GPHN: variants seen among roughly 807,000 people sequenced by gnomAD.
GPHN encodes the protein gephyrin.
GPHN carries 17 observed loss-of-function variants against 95.5 expected under a neutral mutation model. The ratio of observed to expected loss-of-function variants is 0.18; its 90% CI spans 0.12 to 0.27. The LOEUF is 0.27. Among genes scored for constraint, GPHN ranks in the 10% least tolerant of loss-of-function variants. GPHN has a pLI of 1.00. For missense variants in GPHN, 660 were observed against 978.1 expected (o/e 0.67, Z 4.34); for synonymous variants, 320 against 322.5 (o/e 0.99, Z 0.08).
chr14:67,548,569 T>C, the GPHN span, among the ~76,000 whole-genome samples: 5 of 152,090 alleles, frequency 3.3e-5, no homozygotes, highest in Middle Eastern at 3.2e-3. Context: ...TGGTGGTGCA[T>C]GCCTGTAATC....
intron 4 of GPHN, among the ~76,000 whole-genome samples, chr14:66,842,378 A>G (rs553475995): frequency 5.9e-5 from 9 of 152,248 alleles, no homozygotes; most frequent in African/African-American, 2.2e-4. Flanking sequence ...AGGAAGTACC[A>G]TTAGTTGACC....
the GPHN span, chr14:67,690,861 G>C: frequency 1.4e-5 from 6 of 431,478 alleles, no homozygotes; most frequent in East Asian, 2.5e-4. Flanking sequence ...TGGCCACAAG[G>C]ATCACTACTA....
chr14:66,874,323 A>G (rs2063562640), intron 4 of GPHN, among the ~76,000 whole-genome samples: 1 of 152,244 alleles, frequency 6.6e-6, no homozygotes, highest in African/African-American at 2.4e-5. Flanking sequence ...AAGGCTGAAA[A>G]TTCCAAAAAC....
intron 8 of GPHN, among the ~76,000 whole-genome samples, chr14:66,951,507 T>G (rs1350716436): frequency 6.9e-6 from 1 of 144,640 alleles, no homozygotes; most frequent in East Asian, 2.0e-4. Context: ...AGAACAAAAC[T>G]TCATCTCAAA....
chr14:66,870,265 A>G (rs2063380120), intron 4 of GPHN, among the ~76,000 whole-genome samples: 1 of 152,020 alleles, frequency 6.6e-6, no homozygotes, highest in African/African-American at 2.4e-5. Flanking sequence ...ACCCCAACCA[A>G]CTCACCACCA....
At chr14:67,223,798 C>T in the GPHN span, 2 of 985,650 alleles carry the variant, frequency 2.0e-6, no homozygotes, top group Non-Finnish European at 2.4e-6. Flanking sequence ...ATTTCTTTCC[C>T]CATTTTCACT....
At chr14:67,474,914 C>CTT in the GPHN span, among the ~76,000 whole-genome samples, 6,099 of 124,896 alleles carry the variant, frequency 0.049, 273 homozygotes, top group African/African-American at 0.074. Flanking sequence ...GAATTTCCTT[C>CTT]TTTTTTTTTT....
At chr14:67,496,248 G>A in the GPHN span, among the ~76,000 whole-genome samples, 21 of 152,084 alleles carry the variant, frequency 1.4e-4, no homozygotes, top group East Asian at 4.1e-3. Flanking sequence ...ACCAGGTTAT[G>A]AGACTGGCTA....
At chr14:67,421,682 A>G in the GPHN span, among the ~76,000 whole-genome samples, 1 of 152,214 alleles carries the variant, frequency 6.6e-6, no homozygotes, top group Non-Finnish European at 1.5e-5. Context: ...TTGGGCTTCT[A>G]GAGATGTGCA....
intron 1 of GPHN, among the ~76,000 whole-genome samples, chr14:66,577,459 C>T (rs561576197): frequency 2.6e-5 from 4 of 152,240 alleles, no homozygotes; most frequent in Admixed American, 2.6e-4. Flanking sequence ...ATGTAAGTTC[C>T]TAGATAAATC....
intron 12 of GPHN, among the ~76,000 whole-genome samples, chr14:67,099,547 CAA>C (rs368937478): frequency 7.1e-6 from 1 of 141,320 alleles, no homozygotes; most frequent in Non-Finnish European, 1.6e-5. Context: ...TAACAGGATT[CAA>C]AAAAAAAAAC....
the GPHN span, among the ~76,000 whole-genome samples, chr14:67,234,839 T>C: frequency 2.7e-5 from 4 of 148,508 alleles, no homozygotes; most frequent in South Asian, 4.5e-4. Flanking sequence ...CGGGAACCAC[T>C]GCGCCCGGCC....
At chr14:67,594,261 A>G in the GPHN span, among the ~76,000 whole-genome samples, 1 of 152,174 alleles carries the variant, frequency 6.6e-6, no homozygotes, top group Non-Finnish European at 1.5e-5. Flanking sequence ...AGGCAGGAGG[A>G]TCGTTTGAGC....
chr14:67,371,790 C>T, the GPHN span, among the ~76,000 whole-genome samples: 1 of 152,196 alleles, frequency 6.6e-6, no homozygotes, highest in Non-Finnish European at 1.5e-5. Context: ...ATGAGGCCAT[C>T]ATAACCCTGA....
At chr14:67,544,120 A>T in the GPHN span, among the ~76,000 whole-genome samples, 21 of 152,222 alleles carry the variant, frequency 1.4e-4, no homozygotes, top group Non-Finnish European at 2.8e-4. Context: ...ACAAAATTTA[A>T]AAATAAAAAA....
At chr14:67,672,215 C>A in the GPHN span, among the ~76,000 whole-genome samples, 2 of 151,006 alleles carry the variant, frequency 1.3e-5, no homozygotes, top group Non-Finnish European at 3.0e-5. Flanking sequence ...AGCTCCAGGG[C>A]CCAAGTGATC....
At chr14:66,955,452 G>A (rs2068427019) in intron 8 of GPHN, among the ~76,000 whole-genome samples, 2 of 152,018 alleles carry the variant, frequency 1.3e-5, no homozygotes. Flanking sequence ...ATTTCGGTAA[G>A]CTCAACAGCA....
chr14:67,604,449 C>A, the GPHN span, among the ~76,000 whole-genome samples: 1 of 152,174 alleles, frequency 6.6e-6, no homozygotes, highest in Non-Finnish European at 1.5e-5. Flanking sequence ...AATCCCAGCA[C>A]TTTGAGAGGC....
At chr14:67,286,381 CTG>C in the GPHN span, among the ~76,000 whole-genome samples, 1 of 152,142 alleles carries the variant, frequency 6.6e-6, no homozygotes, top group South Asian at 2.1e-4. Flanking sequence ...TTTGTTGTCT[CTG>C]TGTCTTCATC....
Sources: allele counts gnomAD v4.1 joint callset (sites outside exome capture counted in the v4.1 genomes callset), GRCh38; gene constraint gnomAD v4.1.1; transcripts MANE v1.5; gene names NCBI Gene and HGNC (gene_info 2026-07-23, HGNC 2026-07-21).